The following TAX1BP3 variants were observed in gnomAD, a reference collection of about 807,000 sequenced individuals.
TAX1BP3 encodes Tax1 binding protein 3, also known as tax1-binding protein 3.
A neutral mutation model predicts 15.3 loss-of-function variants in TAX1BP3; 13 were observed. The ratio of observed to expected loss-of-function variants is 0.85; its 90% CI spans 0.55 to 1.35. TAX1BP3 has a LOEUF of 1.35. Among genes scored for constraint, TAX1BP3 ranks in the 40% most tolerant of loss-of-function variants. The pLI, the probability that TAX1BP3 is intolerant of heterozygous loss-of-function variation, is 0.00. For synonymous variants in TAX1BP3, 70 were observed against 66.0 expected, an observed-to-expected ratio of 1.06 and a Z score of -0.30; for missense variants, 147 against 169.6, an observed-to-expected ratio of 0.87 and a Z score of 0.74.
intron 2 of TAX1BP3, 176 bp downstream of exon 2, chr17:3,664,503 C>T: frequency 9.8e-7 from 1 of 1,018,338 alleles, no homozygotes; most frequent in Non-Finnish European, 1.5e-6. Context: ...TCTGTCTGAG[C>T]AGCCCTTCCT....
chr17:3,663,564 G>T lies in TAX1BP3; in HGVS notation c.*184C>A, dbSNP rs550854679. 5 of 851,602 alleles carry T rather than the reference G, an allele frequency of 5.9e-6. No homozygotes were observed. The Admixed American group carries it at 1.0e-4, about 17-fold the overall frequency. 52.8% of individuals were successfully genotyped at this position (851,602 alleles called of 1,614,324 possible). A position where few individuals can be genotyped will look rare whatever the true frequency, so the allele number is the denominator to read the frequency against. On this transcript the variant is annotated 3_prime_UTR_variant, in exon 4 of 4. Transcript: ENST00000225525. ...TCCTCGGTGTCCAGGAGAGAAAGCC[G>T]GTCCCAGAGGCCCCAGGCCAGGGAT...
chr17:3,664,641 GC>G, intron 2 of TAX1BP3, 37 bp downstream of exon 2: 1 of 1,612,260 alleles, frequency 6.2e-7, no homozygotes, highest in Non-Finnish European at 8.5e-7. Context: ...AGGCCCCTGT[GC>G]CCCATGGAGC....
rs1363994230 is a variant in TAX1BP3 at position 3,663,869 on chromosome 17, A to G, written c.254T>C (p.Met85Thr). 5 of 1,608,620 alleles carry G rather than the reference A, an allele frequency of 3.1e-6. No individual in the cohort carries two copies. Among genetic ancestry groups the G allele is most frequent in the Non-Finnish European group, 4.2e-6 (5 of 1,179,786 alleles). The change falls in exon 4 of 4, where the codon ATG (methionine) becomes ACG (threonine). Residue 85 changes from methionine to threonine, a missense_variant. Coordinates refer to ENST00000225525, the MANE Select transcript of TAX1BP3 (RefSeq NM_014604.4). ...DKIMQVNGWD[M>T]TMVTHDQARK... is the part of the protein sequence containing the mutation. ...GGCCTGGTCGTGTGTGACCATGGTCATGTCCCAGCCGTTCACCTGGCCCCA... is the reference window on the plus strand; with the variant it reads ...GGCCTGGTCGTGTGTGACCATGGTCGTGTCCCAGCCGTTCACCTGGCCCCA...
Position 3,663,661 on chromosome 17 carries a change from TCAG to T in TAX1BP3, c.*84_*86del, listed in dbSNP as rs1237670754. The T allele has an allele frequency of 4.6e-6, 7 of 1,507,350 alleles. No homozygotes were observed. The highest frequency in any genetic ancestry group is 2.0e-5 in the Admixed American group (1 of 50,948). 93.4% of individuals were successfully genotyped at this position (1,507,350 alleles called of 1,614,324 possible). A position where few individuals can be genotyped will look rare whatever the true frequency, so the allele number is the denominator to read the frequency against. On this transcript the variant is annotated 3_prime_UTR_variant, in exon 4 of 4. Transcript: ENST00000225525. ...GCCCTTCTGAGCTGGGGCCCAGCGG[TCAG>T]CAGAAGCCAGATGGGGACAGAGTGT...
chr17:3,666,624 T>C lies in TAX1BP3; in HGVS notation c.40-1826A>G, dbSNP rs989637272. On this transcript the variant is annotated intron_variant, in intron 1 of 3. Coordinates refer to ENST00000225525, the MANE Select transcript of TAX1BP3 (RefSeq NM_014604.4). ...AATGTCTTTAATATTCTCAGGATTC[T>C]ACATGGGAGAGGGTGGGGACTGGGG... Among the ~76,000 whole-genome samples the C allele has an allele frequency of 5.3e-5, 8 of 152,196 alleles. No homozygotes were observed. The East Asian group carries it at 1.4e-3, about 26-fold the overall frequency.
intron 1 of TAX1BP3, chr17:3,665,742 C>CAGAAAAAAA: frequency 7.1e-6 from 1 of 140,596 alleles, no homozygotes; most frequent in South Asian, 6.8e-5. Context: ...CTCTGGGCTC[C>CAGAAAAAAA]AAAAAAAAAA....
In TAX1BP3 at chr17:3,665,523, C is replaced by T. The variant is rs568106153; in HGVS notation, c.40-725G>A. The T allele has an allele frequency of 3.1e-5, 42 of 1,359,606 alleles. No homozygotes were observed. In the Admixed American group the frequency reaches 4.0e-4, roughly 13 times the overall value. The allele number at this position is 1,359,606 out of a possible 1,614,324, so 84.2% of individuals were successfully genotyped here. ...TGAGCACATAAAGCACTCTAAGAGC[C>T]GAGATAGCTTCCTGGAACGCGTGAA... is the stretch of plus-strand genomic sequence containing the variant. On this transcript the variant is annotated intron_variant, in intron 1 of 3. Transcript: ENST00000225525.
At chr17:3,667,172 C>T (rs569164103) in intron 1 of TAX1BP3, among the ~76,000 whole-genome samples, 1 of 151,950 alleles carries the variant, frequency 6.6e-6, no homozygotes, top group Admixed American at 6.6e-5. Context: ...GGTGAAACCC[C>T]GTTCTACTAA....
intron 2 of TAX1BP3, 122 bp downstream of exon 2, chr17:3,664,557 T>C (rs780095269): frequency 2.1e-6 from 3 of 1,404,566 alleles, no homozygotes; most frequent in Non-Finnish European, 3.0e-6. Flanking sequence ...TCCGATGCCT[T>C]CTTAGAGAGC....
Position 3,664,199 on chromosome 17 carries a change from A to C in TAX1BP3, c.233T>G (p.Met78Arg), listed in dbSNP as rs1307997067. 1.9e-6 allele frequency: 3 copies of C among 1,613,984 alleles called. No individual in the cohort carries two copies. The highest frequency in any genetic ancestry group is 2.5e-6 in the Non-Finnish European group (3 of 1,180,034). ...IAGLQIGDKI[M>R]QVNGWDMTMV... ...CTCCTTTGGGACACCTGTTACCTGC[A>C]TGATCTTGTCTCCAATCTGCAGCCC... Residue 78 changes from methionine (M) to arginine (R), a missense_variant, in exon 3 of 4, where the codon ATG (methionine) becomes AGG (arginine). Coordinates refer to ENST00000225525, the MANE Select transcript of TAX1BP3 (RefSeq NM_014604.4).
At chr17:3,667,992 T>C (rs930045572) in intron 1 of TAX1BP3, among the ~76,000 whole-genome samples, 1 of 152,008 alleles carries the variant, frequency 6.6e-6, no homozygotes, top group Non-Finnish European at 1.5e-5. Flanking sequence ...GGCGAGTGGG[T>C]TGGAGGAGCA....
Position 3,664,631 on chromosome 17 carries a change from A to G in TAX1BP3, c.159+48T>C, listed in dbSNP as rs2076319198. On this transcript the variant is annotated intron_variant, in intron 2 of 3. Transcript: ENST00000225525. ...CCAGGAAGCAGAGACCCACCATCTC[A>G]GGCCCCTGTGCCCCATGGAGCGGTC... is the stretch of plus-strand genomic sequence containing the variant. The G allele has an allele frequency of 2.5e-6, 4 of 1,608,710 alleles. No homozygotes were observed. The East Asian group carries it at 8.9e-5, about 36-fold the overall frequency.
chr17:3,664,131 A>AC, intron 3 of TAX1BP3, 64 bp downstream of exon 3: 1 of 1,594,942 alleles, frequency 6.3e-7, no homozygotes, highest in Non-Finnish European at 8.6e-7. Flanking sequence ...GCAGCTCCCC[A>AC]CCCCCAAGTG....
In TAX1BP3 at chr17:3,663,642, C is replaced by T. The variant is rs913603030; in HGVS notation, c.*106G>A. 6.8e-7 allele frequency: 1 copy of T among 1,476,790 alleles called. No homozygotes were observed. The allele number at this position is 1,476,790 out of a possible 1,614,324, so 91.5% of individuals were successfully genotyped here. A position where few individuals can be genotyped will look rare whatever the true frequency, so the allele number is the denominator to read the frequency against. On this transcript the variant is annotated 3_prime_UTR_variant, in exon 4 of 4. Transcript: ENST00000225525. ...GCCTCTGGGACCAGCTATAGCCCTT[C>T]TGAGCTGGGGCCCAGCGGTCAGCAG... is the stretch of plus-strand genomic sequence containing the variant.
intron 1 of TAX1BP3, among the ~76,000 whole-genome samples, 197 bp from the exon 2 acceptor site, chr17:3,664,995 T>C (rs957132899): frequency 1.3e-5 from 2 of 152,158 alleles, no homozygotes; most frequent in South Asian, 2.1e-4. Flanking sequence ...CACAGCCCTG[T>C]GTCCTCAACC....
intron 1 of TAX1BP3, chr17:3,665,446 TAAAC>T (rs981707717): frequency 7.0e-6 from 10 of 1,424,094 alleles, no homozygotes; most frequent in East Asian, 4.5e-5. Flanking sequence ...GGCATTGTTG[TAAAC>T]AAACAAGTTA....
intron 3 of TAX1BP3, 46 bp downstream of exon 3, chr17:3,664,149 C>T (rs2076312581): frequency 1.9e-6 from 3 of 1,611,922 alleles, no homozygotes; most frequent in East Asian, 2.2e-5. Flanking sequence ...GTGCTTCAGA[C>T]CTGCTTGCCC....
chr17:3,665,127 G>A (rs2076325022), intron 1 of TAX1BP3: 1 of 753,296 alleles, frequency 1.3e-6, no homozygotes, highest in Admixed American at 1.9e-5. Flanking sequence ...CTCACAGGAG[G>A]TGCTCTGGAA....
intron 1 of TAX1BP3, chr17:3,665,740 TCCAAAA>T (rs1459712520): frequency 0.02 from 2,255 of 115,200 alleles, 46 homozygotes; most frequent in African/African-American, 0.12. Context: ...ATCTCTGGGC[TCCAAAA>T]AAAAAAAAAA....
Sources: gnomAD v4.1 joint callset for allele counts (sites outside exome capture counted in the v4.1 genomes callset) on GRCh38, gnomAD v4.1.1 for gene constraint, MANE v1.5 for transcripts, NCBI Gene and HGNC (gene_info 2026-07-23, HGNC 2026-07-21) for gene names.